RBFOX1: variants seen among roughly 807,000 people sequenced by gnomAD.
RBFOX1 encodes the protein RNA binding fox-1 homolog 1.
In RBFOX1, 8 loss-of-function variants were observed where a neutral mutation model predicts 57.7. The ratio of observed to expected loss-of-function variants is 0.14; its 90% CI spans 0.08 to 0.25. The LOEUF is 0.25. Among genes scored for constraint, RBFOX1 ranks in the 10% least tolerant of loss-of-function variants. The pLI, the probability that RBFOX1 is intolerant of heterozygous loss-of-function variation, is 1.00. For missense variants in RBFOX1, 611 were observed against 548.5 expected (o/e 1.11, Z -1.14); for synonymous variants, 326 against 222.4 (o/e 1.47, Z -4.15).
intron 1 of RBFOX1, among the ~76,000 whole-genome samples, chr16:5,397,588 A>G (rs1280750943): frequency 6.6e-6 from 1 of 152,218 alleles, no homozygotes; most frequent in East Asian, 1.9e-4. Flanking sequence ...AGAAATAAAT[A>G]TAGGAGCACA....
rs2093619487 is a variant in RBFOX1 at position 7,579,861 on chromosome 16, C to T, written c.355C>T (p.Leu119=). The change falls in exon 6 of 16, where the codon CTG becomes TTG. Residue 119 remains leucine, a synonymous_variant. Transcript: ENST00000550418. Reference sequence around the variant, plus strand: ...GGAAAACAAGTCTCAGCCCAAGCGGCTGCATGTCTCCAATATCCCCTTCAG... The same window carrying T: ...GGAAAACAAGTCTCAGCCCAAGCGGTTGCATGTCTCCAATATCCCCTTCAG... ...NTENKSQPKR[L]HVSNIPFRFR... 2 of 1,614,112 alleles carry T rather than the reference C, an allele frequency of 1.2e-6. No individual in the cohort carries two copies. Among genetic ancestry groups the T allele is most frequent in the Non-Finnish European group, 8.5e-7 (1 of 1,179,984 alleles).
intron 3 of RBFOX1, among the ~76,000 whole-genome samples, chr16:6,826,727 C>G (rs941738197): frequency 1.3e-5 from 2 of 152,074 alleles, no homozygotes; most frequent in African/African-American, 2.4e-5. Flanking sequence ...TTTTCTCACG[C>G]TCATTTCTCT....
At chr16:5,438,983 A>G (rs1318479011) in intron 1 of RBFOX1, among the ~76,000 whole-genome samples, 2 of 142,914 alleles carry the variant, frequency 1.4e-5, no homozygotes, top group Non-Finnish European at 3.1e-5. Flanking sequence ...TCATGTGACC[A>G]CTTATACTGC....
intron 1 of RBFOX1, among the ~76,000 whole-genome samples, chr16:6,316,603 T>C (rs2081149998): frequency 6.6e-6 from 1 of 152,174 alleles, no homozygotes; most frequent in Non-Finnish European, 1.5e-5. Flanking sequence ...AGTCTTACCT[T>C]GAACACCTCC....
intron 3 of RBFOX1, among the ~76,000 whole-genome samples, chr16:5,703,341 G>C (rs2051119879): frequency 6.6e-6 from 1 of 152,162 alleles, no homozygotes; most frequent in African/African-American, 2.4e-5. Flanking sequence ...CATGCAAAGA[G>C]GGCAGGGAAG....
intron 4 of RBFOX1, among the ~76,000 whole-genome samples, chr16:7,479,248 C>T (rs768110151): frequency 5.3e-5 from 8 of 151,694 alleles, no homozygotes; most frequent in Non-Finnish European, 1.0e-4. Flanking sequence ...CTCAGCCTCC[C>T]GAGTCGCTGG....
intron 2 of RBFOX1, among the ~76,000 whole-genome samples, chr16:6,452,991 C>A (rs1878042339): frequency 6.6e-6 from 1 of 152,188 alleles, no homozygotes; most frequent in Non-Finnish European, 1.5e-5. Flanking sequence ...TGCTTTGGGG[C>A]AACACTGCAG....
At chr16:5,586,690 G>C (rs1294736814) in intron 2 of RBFOX1, among the ~76,000 whole-genome samples, 2 of 152,132 alleles carry the variant, frequency 1.3e-5, no homozygotes, top group African/African-American at 4.8e-5. Flanking sequence ...GTAGAGAGGG[G>C]AACTTGCTGT....
intron 1 of RBFOX1, among the ~76,000 whole-genome samples, chr16:6,157,544 T>G (rs908424848): frequency 6.6e-6 from 1 of 152,186 alleles, no homozygotes; most frequent in Admixed American, 6.5e-5. Context: ...TTTTTATCAT[T>G]TGTCTTCCTA....
exon 3 of RBFOX1, chr16:5,599,049 C>T (rs1235006828): frequency 2.7e-5 from 33 of 1,209,280 alleles, no homozygotes; most frequent in South Asian, 3.9e-5. Flanking sequence ...CATCAATCAC[C>T]GGGAATGGTT....
intron 3 of RBFOX1, among the ~76,000 whole-genome samples, chr16:6,816,292 G>A (rs2090050199): frequency 6.6e-6 from 1 of 152,292 alleles, no homozygotes; most frequent in East Asian, 1.9e-4. Context: ...TTGAGCCACA[G>A]GGTAAGACCT....
intron 1 of RBFOX1, among the ~76,000 whole-genome samples, chr16:6,287,468 A>G (rs1265807250): frequency 1.3e-5 from 2 of 152,182 alleles, no homozygotes; most frequent in East Asian, 1.9e-4. Flanking sequence ...TGTGTCAAAG[A>G]TGATGCTAGG....
At chr16:6,324,644 C>T (rs1390090778) in intron 2 of RBFOX1, among the ~76,000 whole-genome samples, 2 of 152,132 alleles carry the variant, frequency 1.3e-5, no homozygotes, top group African/African-American at 4.8e-5. Flanking sequence ...GAGAAACTGC[C>T]CCCATGATTT....
chr16:7,563,220 T>A (rs1047256119), intron 5 of RBFOX1, among the ~76,000 whole-genome samples: 1 of 152,174 alleles, frequency 6.6e-6, no homozygotes, highest in Non-Finnish European at 1.5e-5. Context: ...AATCAGCCAC[T>A]CTTCTCGATG....
intron 2 of RBFOX1, among the ~76,000 whole-genome samples, chr16:6,543,546 C>A (rs150706836): frequency 4.6e-5 from 7 of 152,212 alleles, no homozygotes; most frequent in African/African-American, 1.7e-4. Context: ...GCTTTTTATA[C>A]CTTACTGTGG....
At chr16:5,291,237 A>G (rs1243873309) in intron 1 of RBFOX1, among the ~76,000 whole-genome samples, 6 of 150,032 alleles carry the variant, frequency 4.0e-5, no homozygotes, top group African/African-American at 1.5e-4. Context: ...GTGTGTGCTC[A>G]GTAAAGGTGA....
rs77347896 is a variant in RBFOX1, at chr16:7,664,985, G to A, written c.930+17G>A. On this transcript the variant is annotated intron_variant, in intron 13 of 15. Coordinates refer to ENST00000550418, the MANE Select transcript of RBFOX1 (RefSeq NM_018723.4). ...GACATTTATGTAAGTATTCATTCACGTGCATGCCATCCCCGTTTCCTCCTG... is the reference window on the plus strand; with the variant it reads ...GACATTTATGTAAGTATTCATTCACATGCATGCCATCCCCGTTTCCTCCTG... 166 of 1,613,848 alleles carry A rather than the reference G, an allele frequency of 1.0e-4. 1 individual carries two copies. The highest frequency in any genetic ancestry group is 1.7e-4 in the Middle Eastern group (1 of 6,058).
chr16:6,542,957 C>T (rs1270081393), intron 2 of RBFOX1, among the ~76,000 whole-genome samples: 9 of 152,190 alleles, frequency 5.9e-5, no homozygotes, highest in Non-Finnish European at 8.8e-5. Context: ...CTTCACAGTG[C>T]GGCATCACTC....
At chr16:7,276,848 G>C (rs537332418) in intron 4 of RBFOX1, among the ~76,000 whole-genome samples, 5 of 152,328 alleles carry the variant, frequency 3.3e-5, no homozygotes, top group African/African-American at 1.2e-4. Flanking sequence ...CTGCTCAGAA[G>C]TGTGGGCTTC....
Sources: allele counts gnomAD v4.1 joint callset (sites outside exome capture counted in the v4.1 genomes callset), GRCh38; gene constraint gnomAD v4.1.1; transcripts MANE v1.5; gene names NCBI Gene and HGNC (gene_info 2026-07-23, HGNC 2026-07-21).